C1GALT1: variants seen among roughly 807,000 people sequenced by gnomAD.
C1GALT1 encodes the protein glycoprotein-N-acetylgalactosamine 3-beta-galactosyltransferase 1.
C1GALT1 carries 11 observed loss-of-function variants against 31.0 expected under a neutral mutation model. That is an observed-to-expected ratio of 0.36 (90% confidence interval 0.22 to 0.59). The LOEUF (loss-of-function observed/expected upper bound fraction) is 0.59, where lower values mean the gene tolerates loss of function less well. Among genes scored for constraint, C1GALT1 ranks in the 20% least tolerant of loss-of-function variants. The pLI, the probability that C1GALT1 is intolerant of heterozygous loss-of-function variation, is 0.79. For synonymous variants in C1GALT1, 175 were observed against 143.6 expected, an observed-to-expected ratio of 1.22 and a Z score of -1.56; for missense variants, 424 against 425.2, an observed-to-expected ratio of 1.00 and a Z score of 0.03.
At chr7:7,241,719 T>C (rs1783637927) in intron 3 of C1GALT1, among the ~76,000 whole-genome samples, 1 of 152,034 alleles carries the variant, frequency 6.6e-6, no homozygotes, top group Non-Finnish European at 1.5e-5. Context: ...CTTTAAAATC[T>C]GGCTTTGTAA....
rs1411350029 is a variant in C1GALT1, at chr7:7,247,001, T to C, written c.*3274T>C. 1 of 152,170 alleles carries C rather than the reference T, an allele frequency of 6.6e-6. No individual in the cohort carries two copies. Among genetic ancestry groups the C allele is most frequent in the African/African-American group, 2.4e-5 (1 of 41,448 alleles). The allele number at this position is 152,170 out of a possible 1,614,324, so 9.4% of individuals were successfully genotyped here. A position where few individuals can be genotyped will look rare whatever the true frequency, so the allele number is the denominator to read the frequency against. On this transcript the variant is annotated 3_prime_UTR_variant, in exon 4 of 4. Coordinates refer to ENST00000436587, the MANE Select transcript of C1GALT1 (RefSeq NM_020156.5). ...TAATTCTCCAAGTTTAGTAATTTTA[T>C]ATTGAGGCAGGAAGGGCTCATTAAG... is the stretch of plus-strand genomic sequence containing the variant.
intron 3 of C1GALT1, among the ~76,000 whole-genome samples, chr7:7,242,645 G>C (rs1332181022): frequency 6.6e-6 from 1 of 151,920 alleles, no homozygotes; most frequent in African/African-American, 2.4e-5. Flanking sequence ...CTGACTCTAG[G>C]TTGACTGCTT....
intron 1 of C1GALT1, among the ~76,000 whole-genome samples, chr7:7,214,376 A>C (rs547327757): frequency 6.6e-6 from 1 of 152,328 alleles, no homozygotes; most frequent in African/African-American, 2.4e-5. Flanking sequence ...AAATGGAGAA[A>C]AATAATTCAG....
At chr7:7,228,627 T>A (rs1471356249) in intron 1 of C1GALT1, among the ~76,000 whole-genome samples, 1 of 152,008 alleles carries the variant, frequency 6.6e-6, no homozygotes, top group Non-Finnish European at 1.5e-5. Flanking sequence ...AATGGGAGTT[T>A]ACAGTTATTT....
chr7:7,220,705 A>AGAGAT (rs113116354), intron 1 of C1GALT1, among the ~76,000 whole-genome samples: 6,112 of 152,066 alleles, frequency 0.04, 414 homozygotes, highest in African/African-American at 0.14. Flanking sequence ...TATTTTTAGT[A>AGAGAT]GAGATGGGGT....
At chr7:7,189,180 C>G (rs1780948996) in intron 1 of C1GALT1, among the ~76,000 whole-genome samples, 1 of 152,076 alleles carries the variant, frequency 6.6e-6, no homozygotes, top group Non-Finnish European at 1.5e-5. Context: ...TGCTATGGCT[C>G]TATCTTTTTT....
In C1GALT1 at chr7:7,199,729, T is replaced by C. The variant is rs566143007; in HGVS notation, c.-18+16909T>C. Among the ~76,000 whole-genome samples the C allele has an allele frequency of 1.8e-4, 28 of 152,366 alleles. 1 individual carries two copies. In the South Asian group the frequency reaches 5.6e-3, roughly 30 times the overall value. On this transcript the variant is annotated intron_variant, in intron 1 of 3. Coordinates refer to ENST00000436587, the MANE Select transcript of C1GALT1 (RefSeq NM_020156.5). ...CTTTGTGAATCTGGGTGCTCTTGTA[T>C]TGGATGCATATATATTTAGAATAGT...
intron 2 of C1GALT1, among the ~76,000 whole-genome samples, chr7:7,162,770 G>A (rs13309943): frequency 1.6e-3 from 241 of 151,172 alleles, no homozygotes; most frequent in East Asian, 6.5e-3. Flanking sequence ...CATCCTCTCC[G>A]GAACCTGTTG....
At chr7:7,211,337 A>G (rs1444507838) in intron 1 of C1GALT1, among the ~76,000 whole-genome samples, 3 of 152,216 alleles carry the variant, frequency 2.0e-5, no homozygotes, top group South Asian at 2.1e-4. Context: ...GAGCCTGTCA[A>G]TAATTTTGAT....
intron 1 of C1GALT1, among the ~76,000 whole-genome samples, chr7:7,193,233 T>C (rs936914107): frequency 1.3e-5 from 2 of 152,198 alleles, no homozygotes; most frequent in Non-Finnish European, 2.9e-5. Flanking sequence ...CCTAAGCCAA[T>C]GTCTAGAAGG....
At position 7,243,528 on chromosome 7, in the gene C1GALT1, C is replaced by T. The variant is rs1296984760; in HGVS notation, c.893C>T (p.Pro298Leu). ...CTGTTTCCACTACTTTTTTAGGGTCCTGGTTGCTGCTCTGATCTTGCAGTT... is the reference window on the plus strand; with the variant it reads ...CTGTTTCCACTACTTTTTTAGGGTCTTGGTTGCTGCTCTGATCTTGCAGTT... ...NYNYYPPVEG[P>L]GCCSDLAVSF... Residue 298 changes from proline (P) to leucine (L), a missense_variant, in exon 4 of 4, where the codon CCT (proline) becomes CTT (leucine). Around this residue, in one of 3 missense-constraint regions of C1GALT1, gnomAD observed 191 missense variants for 188.8 expected, o/e 1.01. Coordinates refer to ENST00000436587, the MANE Select transcript of C1GALT1 (RefSeq NM_020156.5). 3 of 1,593,472 alleles carry T rather than the reference C, an allele frequency of 1.9e-6. No homozygotes were observed. The highest frequency in any genetic ancestry group is 4.5e-5 in the East Asian group (2 of 44,526).
chr7:7,167,452 T>G (rs554317398), intron 2 of C1GALT1, among the ~76,000 whole-genome samples: 8 of 152,204 alleles, frequency 5.3e-5, no homozygotes, highest in African/African-American at 1.9e-4. Context: ...AAACTACATG[T>G]AAATTTATAA....
At chr7:7,218,221 C>G (rs1298055494) in intron 1 of C1GALT1, among the ~76,000 whole-genome samples, 1 of 152,052 alleles carries the variant, frequency 6.6e-6, no homozygotes, top group African/African-American at 2.4e-5. Context: ...GGTCAGTCAT[C>G]TGTATAAAAG....
chr7:7,192,137 TTTC>T (rs1334634393), intron 1 of C1GALT1, among the ~76,000 whole-genome samples: 2 of 151,412 alleles, frequency 1.3e-5, no homozygotes, highest in African/African-American at 2.4e-5. Context: ...TGAGTTACTT[TTTC>T]TTCTTTTTTT....
chr7:7,173,778 C>T lies in C1GALT1; in HGVS notation c.-18+16352C>T, dbSNP rs533688138. On this transcript the variant is annotated intron_variant, in intron 2 of 3. Coordinates refer to the C1GALT1 transcript ENST00000429911. Reference sequence around the variant, plus strand: ...ATTAGCTGGGCATGGTGGTGCATGCCTCTGGTCCCTGTTACTCGGGAGGCT... The same window carrying T: ...ATTAGCTGGGCATGGTGGTGCATGCTTCTGGTCCCTGTTACTCGGGAGGCT... Among the ~76,000 whole-genome samples, 10 of 152,244 alleles carry T rather than the reference C, an allele frequency of 6.6e-5. No individual in the cohort carries two copies. The East Asian group carries it at 1.9e-3, about 29-fold the overall frequency.
At chr7:7,223,221 C>A (rs534505687) in intron 1 of C1GALT1, among the ~76,000 whole-genome samples, 1 of 152,058 alleles carries the variant, frequency 6.6e-6, no homozygotes. Context: ...TACAGTGGCG[C>A]GATCTTGGCT....
intron 1 of C1GALT1, among the ~76,000 whole-genome samples, chr7:7,184,824 G>A (rs894821873): frequency 2.6e-5 from 4 of 152,190 alleles, no homozygotes; most frequent in Admixed American, 2.0e-4. Context: ...GATTAAAGAC[G>A]CTGATGTACA....
intron 2 of C1GALT1, among the ~76,000 whole-genome samples, chr7:7,236,187 C>A (rs1583832143): frequency 6.6e-6 from 1 of 152,098 alleles, no homozygotes; most frequent in African/African-American, 2.4e-5. Flanking sequence ...GCTCAGGCTC[C>A]CTGAATGGAC....
intron 2 of C1GALT1, among the ~76,000 whole-genome samples, chr7:7,163,167 G>T (rs182450973): frequency 6.6e-6 from 1 of 152,140 alleles, no homozygotes; most frequent in African/African-American, 2.4e-5. Context: ...TGCTTTTGGT[G>T]TTTTAGACAT....
Sources: gnomAD v4.1 joint callset for allele counts (sites outside exome capture counted in the v4.1 genomes callset) on GRCh38, gnomAD v4.1.1 for gene constraint, gnomAD v4.1.1 regional missense constraint, MANE v1.5 for transcripts, NCBI Gene and HGNC (gene_info 2026-07-23, HGNC 2026-07-21) for gene names.